The following KCNJ4 variants were observed in gnomAD, a reference collection of about 807,000 sequenced individuals.
The protein encoded by KCNJ4 is potassium inwardly rectifying channel subfamily J member 4, also known as inward rectifier potassium channel 4.
Under a neutral mutation model 25.6 loss-of-function variants are expected in KCNJ4, and 3 were observed. The ratio of observed to expected loss-of-function variants is 0.12; its 90% CI spans 0.05 to 0.30. KCNJ4 has a LOEUF of 0.30. Ranked by LOEUF, KCNJ4 falls within the 10% of genes least tolerant of loss-of-function variation. The pLI, the probability that KCNJ4 is intolerant of heterozygous loss-of-function variation, is 1.00. For synonymous variants in KCNJ4, 257 were observed against 283.9 expected, an observed-to-expected ratio of 0.91 and a Z score of 0.95; for missense variants, 286 against 666.8, an observed-to-expected ratio of 0.43 and a Z score of 6.29.
rs1018157573 is a variant in KCNJ4 at position 38,449,652 on chromosome 22, G to A, written c.-40+5328C>T. Among the ~76,000 whole-genome samples the A allele has an allele frequency of 6.6e-6, 1 of 152,234 alleles. No homozygotes were observed. The highest frequency in any genetic ancestry group is 2.4e-5 in the African/African-American group (1 of 41,448). The stretch of plus-strand genomic sequence containing the variant: ...CCACACGCCAGCACTCCTCCCCACC[G>A]GTTTCCCACCCTGTGTGTCCCAACA... On this transcript the variant is annotated intron_variant, in intron 1 of 1. Transcript: ENST00000303592. This position sits in a 1 kb window ranked among gnomAD's most constrained non-coding sequence, Gnocchi z 5.2.
chr22:38,426,703 G>T lies in KCNJ4; in HGVS notation c.*92C>A. ...CCTCCAGAAGGTCCACGGAGCCAGG[G>T]TTGGCTCTGTCCTGAGTGTGGGAGG... On this transcript the variant is annotated 3_prime_UTR_variant, in exon 2 of 2. Transcript: ENST00000303592. The T allele has an allele frequency of 1.4e-6, 2 of 1,451,118 alleles. No homozygotes were observed. The highest frequency in any genetic ancestry group is 1.9e-6 in the Non-Finnish European group (2 of 1,074,040). The allele number at this position is 1,451,118 out of a possible 1,614,324, so 89.9% of individuals were successfully genotyped here.
intron 1 of KCNJ4, among the ~76,000 whole-genome samples, chr22:38,432,411 G>C (rs2093052958): frequency 6.6e-6 from 1 of 152,190 alleles, no homozygotes; most frequent in Non-Finnish European, 1.5e-5. Flanking sequence ...ATGTGCACTA[G>C]AAGAATGCAG....
chr22:38,443,417 G>A lies in KCNJ4; in HGVS notation c.-40+11563C>T, dbSNP rs1345119743. On this transcript the variant is annotated intron_variant, in intron 1 of 1. Coordinates refer to ENST00000303592, the MANE Select transcript of KCNJ4 (RefSeq NM_152868.3). The surrounding 1 kb of genome is among the most constrained non-coding windows in gnomAD (Gnocchi z 4.1). The stretch of plus-strand genomic sequence containing the variant: ...CCTGTGTCTGCTGGACAGTGAAGAG[G>A]CATCGCGAACCCGGCACTGCCAAGC... 6.6e-6 allele frequency among the ~76,000 whole-genome samples: 1 copy of A among 152,038 alleles called. No homozygotes were observed. Among genetic ancestry groups the A allele is most frequent in the Non-Finnish European group, 1.5e-5 (1 of 67,996 alleles).
At chr22:38,440,664 T>C (rs1322620972) in intron 1 of KCNJ4, among the ~76,000 whole-genome samples, 1 of 152,210 alleles carries the variant, frequency 6.6e-6, no homozygotes, top group South Asian at 2.1e-4. Flanking sequence ...CCAGTCGCTG[T>C]GATGAGGTAT....
At chr22:38,452,417 T>C (rs1395930675) in intron 1 of KCNJ4, among the ~76,000 whole-genome samples, 1 of 152,126 alleles carries the variant, frequency 6.6e-6, no homozygotes, top group Non-Finnish European at 1.5e-5. Flanking sequence ...ACGTCCTGCC[T>C]CTAGCCGCTG....
chr22:38,448,375 G>A (rs1037740751), intron 1 of KCNJ4, among the ~76,000 whole-genome samples: 3 of 152,016 alleles, frequency 2.0e-5, no homozygotes, highest in Middle Eastern at 3.4e-3. Flanking sequence ...GGTGGCCCCC[G>A]ATACACAGAG....
At position 38,455,060 on chromosome 22, in the gene KCNJ4, C is replaced by T. The variant is rs2089432219; in HGVS notation, c.-120G>A. On this transcript the variant is annotated 5_prime_UTR_variant, in exon 1 of 2. Coordinates refer to ENST00000303592, the MANE Select transcript of KCNJ4 (RefSeq NM_152868.3). ...CAAGGCGCGATCCGGCGGGCGGCGT[C>T]CCGGGCGCGGAAAGGGGAGTCCCGG... The T allele has an allele frequency of 6.6e-6, 1 of 151,006 alleles. No homozygotes were observed. Among genetic ancestry groups the T allele is most frequent in the South Asian group, 2.1e-4 (1 of 4,830 alleles). 9.4% of individuals were successfully genotyped at this position (151,006 alleles called of 1,614,324 possible).
chr22:38,431,384 C>T (rs989588167), intron 1 of KCNJ4, among the ~76,000 whole-genome samples: 2 of 152,218 alleles, frequency 1.3e-5, no homozygotes, highest in Non-Finnish European at 2.9e-5. Context: ...TTCTGAGCTT[C>T]CACAATCCTC....
rs1287635652 is a variant in KCNJ4, at chr22:38,445,857, G to A, written c.-40+9123C>T. ...TAGGAGCGGTGAAATGGGATCCGGCGTGTGTCTTGAAGCTGTGACGGGCGG... is the reference window on the plus strand; with the variant it reads ...TAGGAGCGGTGAAATGGGATCCGGCATGTGTCTTGAAGCTGTGACGGGCGG... On this transcript the variant is annotated intron_variant, in intron 1 of 1. Transcript: ENST00000303592. Among the ~76,000 whole-genome samples, 4 of 152,136 alleles carry A rather than the reference G, an allele frequency of 2.6e-5. No individual in the cohort carries two copies. In the East Asian group the frequency reaches 5.8e-4, roughly 22 times the overall value.
At chr22:38,441,490 T>A (rs2089333019) in intron 1 of KCNJ4, among the ~76,000 whole-genome samples, 1 of 152,036 alleles carries the variant, frequency 6.6e-6, no homozygotes, top group Non-Finnish European at 1.5e-5. Flanking sequence ...CATTGCCTCA[T>A]CCTTAGCTGT....
chr22:38,447,060 G>A (rs1384694911), intron 1 of KCNJ4, among the ~76,000 whole-genome samples: 3 of 152,170 alleles, frequency 2.0e-5, no homozygotes, highest in African/African-American at 7.2e-5. Flanking sequence ...GCTGCTAAGG[G>A]GTGGAGCTGG....
Position 38,443,213 on chromosome 22 carries a change from G to T in KCNJ4, c.-40+11767C>A, listed in dbSNP as rs566336485. The stretch of plus-strand genomic sequence containing the variant: ...AGGCCTGAGGGTCCCTCTCCAGGTC[G>T]CCCCTTGCTCTCCTGCCTCTGGCCT... On this transcript the variant is annotated intron_variant, in intron 1 of 1. Transcript: ENST00000303592. This position sits in a 1 kb window ranked among gnomAD's most constrained non-coding sequence, Gnocchi z 4.1. 4.6e-5 allele frequency among the ~76,000 whole-genome samples: 7 copies of T among 151,978 alleles called. No individual in the cohort carries two copies. The highest frequency in any genetic ancestry group is 3.2e-3 in the Middle Eastern group (1 of 316).
At chr22:38,452,460 A>C (rs887582324) in intron 1 of KCNJ4, among the ~76,000 whole-genome samples, 1 of 152,104 alleles carries the variant, frequency 6.6e-6, no homozygotes, top group African/African-American at 2.4e-5. Flanking sequence ...TAGGGCTGAG[A>C]TGGGAAGAGT....
chr22:38,452,870 C>T (rs2089418313), intron 1 of KCNJ4, among the ~76,000 whole-genome samples: 1 of 151,452 alleles, frequency 6.6e-6, no homozygotes, highest in South Asian at 2.1e-4. Flanking sequence ...CACTGCCAGG[C>T]CTACCCGCCA....
intron 1 of KCNJ4, 88 bp from the exon 2 acceptor site, chr22:38,428,259 G>A (rs931152971): frequency 2.4e-6 from 3 of 1,256,104 alleles, no homozygotes; most frequent in Non-Finnish European, 3.3e-6. Context: ...ACTCTCAGAA[G>A]CAGGTGAGCC....
At chr22:38,439,702 G>T (rs920117900) in intron 1 of KCNJ4, among the ~76,000 whole-genome samples, 1 of 150,032 alleles carries the variant, frequency 6.7e-6, no homozygotes, top group African/African-American at 2.5e-5. Context: ...ATGAACCCAG[G>T]AGACGGAGCT....
chr22:38,443,347 T>G lies in KCNJ4; in HGVS notation c.-40+11633A>C, dbSNP rs1449456750. On this transcript the variant is annotated intron_variant, in intron 1 of 1. Transcript: ENST00000303592. This position sits in a 1 kb window ranked among gnomAD's most constrained non-coding sequence, Gnocchi z 4.1. ...CTGTGGCTTAAAATACCACCTAGCC[T>G]GCGCCTCCCTCCCAGGCAGCTACAA... 6.6e-6 allele frequency among the ~76,000 whole-genome samples: 1 copy of G among 152,060 alleles called. No individual in the cohort carries two copies. Among genetic ancestry groups the G allele is most frequent in the Non-Finnish European group, 1.5e-5 (1 of 67,996 alleles).
chr22:38,437,876 G>A (rs1391822946), intron 1 of KCNJ4, among the ~76,000 whole-genome samples: 1 of 152,126 alleles, frequency 6.6e-6, no homozygotes, highest in Non-Finnish European at 1.5e-5. Context: ...GCCGAAGTGG[G>A]CAGATAACTT....
At chr22:38,451,172 G>A (rs1171774172) in intron 1 of KCNJ4, among the ~76,000 whole-genome samples, 1 of 152,190 alleles carries the variant, frequency 6.6e-6, no homozygotes, top group Non-Finnish European at 1.5e-5. Flanking sequence ...CTGCTTCCCA[G>A]CTCCTCTTTG....
Sources: allele counts gnomAD v4.1 joint callset (sites outside exome capture counted in the v4.1 genomes callset), GRCh38; gene constraint gnomAD v4.1.1; non-coding constraint Gnocchi (gnomAD v3.1); transcripts MANE v1.5; gene names NCBI Gene and HGNC (gene_info 2026-07-23, HGNC 2026-07-21).